TXNRD1: variants seen among roughly 807,000 people sequenced by gnomAD.
TXNRD1 encodes thioredoxin reductase 1.
In TXNRD1, 57 loss-of-function variants were observed where a neutral mutation model predicts 80.3. That is an observed-to-expected ratio of 0.71 (90% CI 0.57 to 0.89). TXNRD1 has a LOEUF of 0.89. Ranked by LOEUF, TXNRD1 falls within the 40% of genes least tolerant of loss-of-function variation. TXNRD1 has a pLI of 0.00. For missense variants in TXNRD1, 730 were observed against 803.0 expected, an observed-to-expected ratio of 0.91 and a Z score of 1.10; for synonymous variants, 291 against 285.2, an observed-to-expected ratio of 1.02 and a Z score of -0.20.
At chr12:104,281,446 G>A (rs1479537926) in intron 3 of TXNRD1, among the ~76,000 whole-genome samples, 2 of 118,894 alleles carry the variant, frequency 1.7e-5, no homozygotes, top group African/African-American at 3.4e-5. Flanking sequence ...TCACTGTGTC[G>A]CCCGGGCTGG....
In TXNRD1 at chr12:104,321,069, CTTTT is replaced by C. The variant is rs80130284; in HGVS notation, c.990-11_990-8del. On this transcript the variant is annotated intron_variant, in intron 9 of 16. Transcript: ENST00000525566. ...GGAACTTTCTTTTTCTTCTTTCTTC[CTTTT>C]TTTTTTTTTTCCCCCAGTGATGATC... is the stretch of plus-strand genomic sequence containing the variant. 1.1e-4 allele frequency: 148 copies of C among 1,296,586 alleles called. No individual in the cohort carries two copies. Among genetic ancestry groups the C allele is most frequent in the Non-Finnish European group, 1.2e-4 (114 of 932,330 alleles). 80.3% of individuals were successfully genotyped at this position (1,296,586 alleles called of 1,614,324 possible).
At position 104,224,310 on chromosome 12, in the gene TXNRD1, A is replaced by AT. The variant is rs567759738; in HGVS notation, c.91+8425dup. Among the ~76,000 whole-genome samples, 378 of 151,946 alleles carry AT rather than the reference A, an allele frequency of 2.5e-3. 2 individuals are homozygous for AT. The highest frequency in any genetic ancestry group is 4.3e-3 in the Admixed American group (65 of 15,260). ...TTTCTGGACATCTGTGGCTCTTCTC[A>AT]TTTTTTTTGTAGGACATATAGTGTA... On this transcript the variant is annotated intron_variant, in intron 1 of 16. Transcript: ENST00000525566.
At chr12:104,255,638 C>T (rs2033231585) in intron 2 of TXNRD1, among the ~76,000 whole-genome samples, 1 of 152,090 alleles carries the variant, frequency 6.6e-6, no homozygotes, top group South Asian at 2.1e-4. Context: ...ACTAAAAATA[C>T]AAAAATTAGC....
At chr12:104,316,040 A>G in intron 7 of TXNRD1, 144 bp downstream of exon 7, 1 of 855,278 alleles carries the variant, frequency 1.2e-6, no homozygotes, top group East Asian at 3.3e-5. Context: ...TAATCACTGG[A>G]GTTATCCTTT....
chr12:104,343,777 G>A lies in TXNRD1; in HGVS notation c.1881+4504G>A, dbSNP rs150505811. Among the ~76,000 whole-genome samples, 1,351 of 150,224 alleles carry A rather than the reference G, an allele frequency of 9.0e-3. 21 individuals are homozygous for A. The highest frequency in any genetic ancestry group is 0.031 in the African/African-American group (1,256 of 40,702). Reference sequence around the variant, plus strand: ...GATCACGCCACTGCACTCCAGCCTGGGCGACAGTGAGACCCTGTCTCAAAA... The same window carrying A: ...GATCACGCCACTGCACTCCAGCCTGAGCGACAGTGAGACCCTGTCTCAAAA... On this transcript the variant is annotated intron_variant, in intron 16 of 16. Coordinates refer to ENST00000525566, the MANE Select transcript of TXNRD1 (RefSeq NM_001093771.3).
chr12:104,325,279 A>G (rs2035716742), intron 10 of TXNRD1, 58 bp from the exon 11 acceptor site: 18 of 1,359,406 alleles, frequency 1.3e-5, no homozygotes, highest in Non-Finnish European at 1.9e-5. Flanking sequence ...AGGGGAAGGT[A>G]GAGAATCCAA....
At chr12:104,293,431 TG>T (rs941148312) in intron 4 of TXNRD1, among the ~76,000 whole-genome samples, 1 of 152,118 alleles carries the variant, frequency 6.6e-6, no homozygotes, top group African/African-American at 2.4e-5. Flanking sequence ...GTTCCAGTCT[TG>T]GGGGGTAGAT....
chr12:104,275,068 A>AAGAGGTTG (rs1234099778), intron 3 of TXNRD1, among the ~76,000 whole-genome samples: 12 of 152,178 alleles, frequency 7.9e-5, no homozygotes, highest in Non-Finnish European at 1.6e-4. Flanking sequence ...CTAATTTTTA[A>AAGAGGTTG]AGAGGTTTTT....
intron 4 of TXNRD1, chr12:104,291,023 G>A (rs2034184516): frequency 1.5e-6 from 1 of 678,592 alleles, no homozygotes; most frequent in Non-Finnish European, 2.6e-6. Context: ...TGTCCAGGCT[G>A]GTCTTGAACT....
intron 11 of TXNRD1, 117 bp downstream of exon 11, chr12:104,325,546 A>G: frequency 2.8e-6 from 2 of 724,416 alleles, no homozygotes; most frequent in Non-Finnish European, 4.7e-6. Context: ...TTCTATGCCA[A>G]TTCTTAGACA....
At chr12:104,346,122 C>A in intron 16 of TXNRD1, 1 of 589,630 alleles carries the variant, frequency 1.7e-6, no homozygotes, top group Non-Finnish European at 2.8e-6. Context: ...AAGCGATGTT[C>A]CTGCCTCAGT....
At chr12:104,267,288 T>TTCTTTCC (rs2033525145) in intron 3 of TXNRD1, among the ~76,000 whole-genome samples, 8 of 149,970 alleles carry the variant, frequency 5.3e-5, no homozygotes, top group African/African-American at 7.4e-5. Context: ...TCTTTCCTCT[T>TTCTTTCC]TCTGTCTGTC....
Position 104,348,491 on chromosome 12 carries a change from A to G in TXNRD1, c.*70A>G. ...GTTTCCGTGCCCAAATCCAAGGCGAAGTTTTCTAGAGGGTTCTTGGGCTCT... is the reference window on the plus strand; with the variant it reads ...GTTTCCGTGCCCAAATCCAAGGCGAGGTTTTCTAGAGGGTTCTTGGGCTCT... On this transcript the variant is annotated 3_prime_UTR_variant, in exon 17 of 17. Transcript: ENST00000525566. 1 of 1,495,304 alleles carries G rather than the reference A, an allele frequency of 6.7e-7. No homozygotes were observed. Among genetic ancestry groups the G allele is most frequent in the Middle Eastern group, 1.7e-4 (1 of 5,804 alleles). The allele number at this position is 1,495,304 out of a possible 1,614,324, so 92.6% of individuals were successfully genotyped here.
chr12:104,268,043 G>A (rs1158752282), intron 3 of TXNRD1, among the ~76,000 whole-genome samples: 1 of 151,044 alleles, frequency 6.6e-6, no homozygotes, highest in Non-Finnish European at 1.5e-5. Flanking sequence ...TAGAGACAGG[G>A]TTTCATCATG....
chr12:104,287,382 C>T lies in TXNRD1; in HGVS notation c.305-1549C>T, dbSNP rs772681419. On this transcript the variant is annotated intron_variant, in intron 3 of 16. Coordinates refer to ENST00000525566, the MANE Select transcript of TXNRD1 (RefSeq NM_001093771.3). ...CCGGCGCCTGTAGGCTGGCGGTTTC[C>T]TTCCTCTTGGTCTTTGTAGAGACAG... The T allele has an allele frequency of 4.3e-6, 7 of 1,613,872 alleles. No homozygotes were observed. In the African/African-American group the frequency reaches 9.3e-5, roughly 22 times the overall value.
chr12:104,286,920 G>A (rs2033985447), intron 3 of TXNRD1: 2 of 1,169,368 alleles, frequency 1.7e-6, no homozygotes, highest in South Asian at 1.9e-5. Context: ...TGCACGAGGA[G>A]TGGATTTCTG....
At chr12:104,324,140 TATC>T (rs923941264) in intron 10 of TXNRD1, among the ~76,000 whole-genome samples, 14 of 152,264 alleles carry the variant, frequency 9.2e-5, no homozygotes, top group African/African-American at 2.9e-4. Flanking sequence ...ATGAGGCCCT[TATC>T]ATTTCCAAAC....
At chr12:104,278,189 C>CTTTTT (rs202175579) in intron 3 of TXNRD1, among the ~76,000 whole-genome samples, 2 of 98,294 alleles carry the variant, frequency 2.0e-5, no homozygotes, top group Non-Finnish European at 3.9e-5. Context: ...TGATCAAATT[C>CTTTTT]TTTTTTTTTT....
rs966371064 is a variant in TXNRD1 at position 104,315,415 on chromosome 12, G to T, written c.611-362G>T. 2.0e-5 allele frequency among the ~76,000 whole-genome samples: 3 copies of T among 152,146 alleles called. No individual in the cohort carries two copies. In the South Asian group the frequency reaches 6.2e-4, roughly 32 times the overall value. On this transcript the variant is annotated intron_variant, in intron 6 of 16. Transcript: ENST00000525566. ...AGTGAAACACAGTATGGGTGTATGG[G>T]TATCAACATAAAGAGAAAAATCGTA...
Sources: gnomAD v4.1 joint callset for allele counts (sites outside exome capture counted in the v4.1 genomes callset) on GRCh38, gnomAD v4.1.1 for gene constraint, MANE v1.5 for transcripts, NCBI Gene and HGNC (gene_info 2026-07-23, HGNC 2026-07-21) for gene names.